ATP8B4: variants seen among roughly 807,000 people sequenced by gnomAD.
ATP8B4 encodes probable phospholipid-transporting ATPase IM.
In ATP8B4, 133 loss-of-function variants were observed where a neutral mutation model predicts 145.6. The ratio of observed to expected loss-of-function variants is 0.91; its 90% CI spans 0.79 to 1.05. ATP8B4 has a LOEUF of 1.05. Among genes scored for constraint, ATP8B4 ranks in the 50% least tolerant of loss-of-function variants. The probability of loss-of-function intolerance (pLI) is 0.00; values close to 1 mark genes in which losing one functional copy is unlikely to be tolerated. For synonymous variants in ATP8B4, 507 were observed against 492.9 expected (o/e 1.03, Z -0.38); for missense variants, 1,458 against 1,425.2 (o/e 1.02, Z -0.37).
At chr15:50,050,042 C>A (rs547163987) in intron 3 of ATP8B4, among the ~76,000 whole-genome samples, 20 of 152,294 alleles carry the variant, frequency 1.3e-4, no homozygotes, top group African/African-American at 4.8e-4. Context: ...ATGTTGATAA[C>A]CTTCAAATAC....
At chr15:50,172,548 C>G (rs1050846452) in intron 1 of ATP8B4, among the ~76,000 whole-genome samples, 1 of 152,256 alleles carries the variant, frequency 6.6e-6, no homozygotes, top group Non-Finnish European at 1.5e-5. Context: ...AGATTGCAGT[C>G]TCTGCCCGGC....
At chr15:50,014,999 A>G (rs561410913) in intron 6 of ATP8B4, among the ~76,000 whole-genome samples, 1 of 152,332 alleles carries the variant, frequency 6.6e-6, no homozygotes, top group East Asian at 1.9e-4. Context: ...ATGTCCATCA[A>G]TAGGAATTAG....
At chr15:49,954,252 C>G (rs1170715514) in intron 14 of ATP8B4, among the ~76,000 whole-genome samples, 2 of 152,062 alleles carry the variant, frequency 1.3e-5, no homozygotes, top group Non-Finnish European at 2.9e-5. Context: ...TTAATAAACT[C>G]CCCTTCGTGT....
rs2031160689 is a variant in ATP8B4, at chr15:49,858,976, G to T, written c.*1218C>A. The stretch of plus-strand genomic sequence containing the variant: ...GGTAGTATGTCCTCATTTTACAGAG[G>T]AAGAAACTGAGTCTCAGAGAAGGCA... On this transcript the variant is annotated 3_prime_UTR_variant, in exon 28 of 28. Coordinates refer to ENST00000284509, the MANE Select transcript of ATP8B4 (RefSeq NM_024837.4). The T allele has an allele frequency of 6.6e-6, 1 of 152,170 alleles. No individual in the cohort carries two copies. The highest frequency in any genetic ancestry group is 1.5e-5 in the Non-Finnish European group (1 of 68,024). The allele number at this position is 152,170 out of a possible 1,614,324, so 9.4% of individuals were successfully genotyped here.
chr15:49,961,436 T>C (rs1352650456), intron 14 of ATP8B4, among the ~76,000 whole-genome samples: 1 of 152,220 alleles, frequency 6.6e-6, no homozygotes, highest in African/African-American at 2.4e-5. Flanking sequence ...TTAGCAATTC[T>C]ATTTCTAGAA....
At chr15:50,050,716 A>G (rs2052111173) in intron 3 of ATP8B4, among the ~76,000 whole-genome samples, 1 of 149,406 alleles carries the variant, frequency 6.7e-6, no homozygotes. Flanking sequence ...ATTAATGTTA[A>G]CAATTTTTTC....
At chr15:50,043,650 T>G (rs1250912779) in intron 5 of ATP8B4, among the ~76,000 whole-genome samples, 2 of 152,230 alleles carry the variant, frequency 1.3e-5, no homozygotes, top group East Asian at 1.9e-4. Context: ...TCTAGCTTAC[T>G]TTATTATAAG....
At chr15:50,160,357 AT>A (rs919419847) in intron 1 of ATP8B4, among the ~76,000 whole-genome samples, 3 of 151,040 alleles carry the variant, frequency 2.0e-5, no homozygotes, top group East Asian at 3.9e-4. Flanking sequence ...ATCTTTTGTA[AT>A]TTTTTTAATT....
intron 3 of ATP8B4, among the ~76,000 whole-genome samples, chr15:50,054,805 A>C (rs943291229): frequency 0.021 from 2,952 of 138,880 alleles, 54 homozygotes; most frequent in Non-Finnish European, 0.029. Context: ...AAAAAAAAAA[A>C]AAAACAAAAA....
chr15:50,011,035 A>G (rs1440223188), intron 6 of ATP8B4, 118 bp from the exon 7 acceptor site: 36 of 621,326 alleles, frequency 5.8e-5, no homozygotes, highest in Non-Finnish European at 9.0e-5. Flanking sequence ...CTTTCCTAGT[A>G]TGTTAATTCA....
At chr15:49,914,576 A>G (rs1413778148) in intron 20 of ATP8B4, among the ~76,000 whole-genome samples, 3 of 152,208 alleles carry the variant, frequency 2.0e-5, no homozygotes, top group South Asian at 2.1e-4. Context: ...CAAAGTATTC[A>G]TCTAACAAGG....
intron 16 of ATP8B4, among the ~76,000 whole-genome samples, chr15:49,928,665 G>A (rs550761805): frequency 4.1e-4 from 63 of 152,106 alleles, no homozygotes; most frequent in African/African-American, 1.3e-3. Context: ...ATACAAGCAA[G>A]CAGTGACAAG....
At chr15:49,973,681 C>A (rs1468601937) in intron 12 of ATP8B4, among the ~76,000 whole-genome samples, 4 of 152,134 alleles carry the variant, frequency 2.6e-5, no homozygotes, top group Admixed American at 6.5e-5. Flanking sequence ...TTCTAGTAAT[C>A]ATTTATGACT....
intron 2 of ATP8B4, among the ~76,000 whole-genome samples, chr15:50,104,932 G>A (rs62021719): frequency 0.35 from 52,501 of 150,334 alleles, 10,446 homozygotes; most frequent in East Asian, 0.65. Context: ...AAGAATGAAC[G>A]AAATAATGGC....
chr15:50,166,102 G>A (rs2044595299), intron 1 of ATP8B4, among the ~76,000 whole-genome samples: 2 of 152,070 alleles, frequency 1.3e-5, no homozygotes. Context: ...CTGAAACTCT[G>A]TAAGTCACAA....
chr15:49,996,634 T>G (rs796745728), intron 9 of ATP8B4, 43 bp downstream of exon 9: 1 of 1,445,472 alleles, frequency 6.9e-7, no homozygotes. Flanking sequence ...CATTGCTTTT[T>G]GGGTTTGAGG....
intron 25 of ATP8B4, among the ~76,000 whole-genome samples, chr15:49,873,559 TC>T (rs1436028643): frequency 6.6e-5 from 10 of 152,228 alleles, no homozygotes; most frequent in South Asian, 2.1e-4. Flanking sequence ...TCCATTTTTT[TC>T]ATGCTAACCC....
chr15:49,889,601 T>C (rs1283168004), intron 23 of ATP8B4, among the ~76,000 whole-genome samples: 1 of 152,178 alleles, frequency 6.6e-6, no homozygotes, highest in Non-Finnish European at 1.5e-5. Context: ...CTTCCACCCA[T>C]TGGCCTTCTT....
intron 2 of ATP8B4, among the ~76,000 whole-genome samples, chr15:50,106,068 T>C (rs1054646163): frequency 2.0e-5 from 3 of 152,190 alleles, no homozygotes; most frequent in East Asian, 3.8e-4. Context: ...AGACTAAATG[T>C]TGCAATGAAT....
Sources: gnomAD v4.1 joint callset for allele counts (sites outside exome capture counted in the v4.1 genomes callset) on GRCh38, gnomAD v4.1.1 for gene constraint, MANE v1.5 for transcripts, NCBI Gene and HGNC (gene_info 2026-07-23, HGNC 2026-07-21) for gene names.